The following TMC1 variants were observed in gnomAD, a reference collection of about 807,000 sequenced individuals.
The protein encoded by TMC1 is transmembrane channel like 1, also known as transmembrane channel-like protein 1.
In TMC1, 84 loss-of-function variants were observed where a neutral mutation model predicts 105.8. The observed-to-expected ratio is 0.79, with a 90% CI of 0.67 to 0.95. TMC1 has a LOEUF of 0.95. Among genes scored for constraint, TMC1 ranks in the 40% least tolerant of loss-of-function variants. TMC1 has a pLI of 0.00. For missense variants in TMC1, 817 were observed against 914.1 expected (o/e 0.89, Z 1.37); for synonymous variants, 315 against 311.5 (o/e 1.01, Z -0.12).
Position 72,564,835 on chromosome 9 carries a change from A to C in TMC1, c.-427-13067A>C, listed in dbSNP as rs149904370. 2.7e-3 allele frequency among the ~76,000 whole-genome samples: 416 copies of C among 152,326 alleles called. 5 individuals are homozygous for C. Among genetic ancestry groups the C allele is most frequent in the African/African-American group, 9.6e-3 (398 of 41,578 alleles). ...TGTTCCTGACTGTGCCACTTTGTGGAACTGGGCAGAACTTACCTCATTCTG... is the reference window on the plus strand; with the variant it reads ...TGTTCCTGACTGTGCCACTTTGTGGCACTGGGCAGAACTTACCTCATTCTG... On this transcript the variant is annotated intron_variant, in intron 1 of 23. Coordinates refer to ENST00000297784, the MANE Select transcript of TMC1 (RefSeq NM_138691.3).
chr9:72,808,011 G>T (rs1319275008), intron 18 of TMC1, among the ~76,000 whole-genome samples: 1 of 152,190 alleles, frequency 6.6e-6, no homozygotes, highest in Non-Finnish European at 1.5e-5. Flanking sequence ...GGTTTCCACT[G>T]TCCTCCTTTG....
intron 12 of TMC1, among the ~76,000 whole-genome samples, chr9:72,757,401 G>T (rs1827690721): frequency 6.6e-6 from 1 of 152,198 alleles, no homozygotes. Context: ...CATCAAGTGA[G>T]ATAATGCATG....
chr9:72,598,803 G>A (rs1162284427), intron 2 of TMC1, among the ~76,000 whole-genome samples: 1 of 152,172 alleles, frequency 6.6e-6, no homozygotes, highest in Non-Finnish European at 1.5e-5. Context: ...CATGGGAGGG[G>A]GAGGACTTTG....
At chr9:72,760,230 G>T (rs894282935) in intron 12 of TMC1, among the ~76,000 whole-genome samples, 2 of 151,984 alleles carry the variant, frequency 1.3e-5, no homozygotes, top group African/African-American at 4.8e-5. Flanking sequence ...AATAAAAATC[G>T]TATATTTGCA....
At chr9:72,816,286 G>T in intron 19 of TMC1, 76 bp downstream of exon 19, 1 of 1,379,202 alleles carries the variant, frequency 7.3e-7, no homozygotes. Flanking sequence ...ATTGAATCCT[G>T]GTGTTAGAGG....
At chr9:72,582,036 C>T (rs1824484107) in intron 2 of TMC1, among the ~76,000 whole-genome samples, 1 of 152,220 alleles carries the variant, frequency 6.6e-6, no homozygotes, top group African/African-American at 2.4e-5. Context: ...CGGCTCACCG[C>T]AACCTCCGCC....
chr9:72,732,473 G>A lies in TMC1; in HGVS notation c.363-7646G>A, dbSNP rs1260896739. 3.3e-5 allele frequency among the ~76,000 whole-genome samples: 5 copies of A among 151,334 alleles called. No homozygotes were observed. The East Asian group carries it at 9.7e-4, about 29-fold the overall frequency. On this transcript the variant is annotated intron_variant, in intron 8 of 23. Transcript: ENST00000297784. ...TTAGCTACTTGGGAGGCTGAGACAT[G>A]AGAATCTCTTGAACCCAGGAGGCAG...
chr9:72,751,596 TG>T (rs748877400), intron 10 of TMC1, among the ~76,000 whole-genome samples: 51 of 152,332 alleles, frequency 3.3e-4, no homozygotes, highest in South Asian at 8.3e-4. Flanking sequence ...TGGACTATGA[TG>T]GGGTAGGTCA....
intron 3 of TMC1, among the ~76,000 whole-genome samples, chr9:72,623,105 AAATG>A (rs1326347028): frequency 6.6e-6 from 1 of 151,174 alleles, no homozygotes; most frequent in Non-Finnish European, 1.5e-5. Flanking sequence ...GAAAAAACAA[AAATG>A]AAAGAAAGGG....
At chr9:72,542,459 CAA>C (rs1564399323) in intron 1 of TMC1, among the ~76,000 whole-genome samples, 1 of 151,146 alleles carries the variant, frequency 6.6e-6, no homozygotes, top group Non-Finnish European at 1.5e-5. Context: ...GACTCTGTCT[CAA>C]AATAAACAAT....
chr9:72,629,944 C>A (rs909262183), intron 4 of TMC1, among the ~76,000 whole-genome samples: 8 of 152,114 alleles, frequency 5.3e-5, no homozygotes, highest in African/African-American at 1.7e-4. Flanking sequence ...TGGCTCACTG[C>A]AACCTTCACC....
intron 1 of TMC1, among the ~76,000 whole-genome samples, chr9:72,537,934 G>A (rs553106315): frequency 6.6e-6 from 1 of 152,130 alleles, no homozygotes; most frequent in Non-Finnish European, 1.5e-5. Context: ...TGGTCAGATT[G>A]CCACCTGGGC....
rs767369935 is a variant in TMC1 at position 72,789,223 on chromosome 9, G to A, written c.1130G>A (p.Gly377Glu). 6 of 1,613,974 alleles carry A rather than the reference G, an allele frequency of 3.7e-6. No individual in the cohort carries two copies. Among genetic ancestry groups the A allele is most frequent in the Non-Finnish European group, 3.4e-6 (4 of 1,179,948 alleles). ...LANFFVFLTL[G>E]GSGYLIFWAV... ...AACTTCTTCGTGTTTCTAACACTTG[G>A]AGGGAGTGGATACCTCATCTTTTGG... The change falls in exon 15 of 24, where the codon GGA (glycine) becomes GAA (glutamate). Residue 377 changes from glycine to glutamate, a missense_variant. Physicochemically the swap from Gly to Glu is moderately conservative, Grantham distance 98 (BLOSUM62 -2). Coordinates refer to ENST00000297784, the MANE Select transcript of TMC1 (RefSeq NM_138691.3).
chr9:72,826,843 T>C (rs748940877), intron 20 of TMC1, 26 bp from the exon 21 acceptor site: 2 of 1,613,120 alleles, frequency 1.2e-6, no homozygotes, highest in Non-Finnish European at 1.7e-6. Flanking sequence ...TTAATAAACT[T>C]ATCTCCCCCT....
intron 8 of TMC1, among the ~76,000 whole-genome samples, chr9:72,731,486 A>T (rs1351297715): frequency 3.9e-5 from 6 of 152,230 alleles, no homozygotes; most frequent in Non-Finnish European, 8.8e-5. Context: ...TCTTAGAGAA[A>T]TGAAACAGCA....
chr9:72,569,615 C>T (rs539034450), intron 1 of TMC1, among the ~76,000 whole-genome samples: 3 of 152,244 alleles, frequency 2.0e-5, no homozygotes, highest in Admixed American at 2.0e-4. Context: ...AGCAACAAAG[C>T]ACAGAGTGAA....
At chr9:72,568,773 C>T (rs1824214350) in intron 1 of TMC1, among the ~76,000 whole-genome samples, 1 of 152,074 alleles carries the variant, frequency 6.6e-6, no homozygotes, top group South Asian at 2.1e-4. Context: ...TCATTGTGCC[C>T]CTCCATACTT....
chr9:72,623,251 T>C (rs1825289996), intron 3 of TMC1, among the ~76,000 whole-genome samples: 1 of 148,404 alleles, frequency 6.7e-6, no homozygotes, highest in Non-Finnish European at 1.5e-5. Flanking sequence ...TCAGAAATCA[T>C]GAATATTCCC....
chr9:72,740,560 T>G (rs1827371853), intron 9 of TMC1, among the ~76,000 whole-genome samples: 1 of 152,156 alleles, frequency 6.6e-6, no homozygotes, highest in African/African-American at 2.4e-5. Flanking sequence ...TCTGTATAGT[T>G]TTTTTCTACC....
Sources: allele counts gnomAD v4.1 joint callset (sites outside exome capture counted in the v4.1 genomes callset), GRCh38; gene constraint gnomAD v4.1.1; transcripts MANE v1.5; gene names NCBI Gene and HGNC (gene_info 2026-07-23, HGNC 2026-07-21).